Variants in USP24 observed in about 807,000 individuals in gnomAD.
USP24 encodes ubiquitin specific peptidase 24.
Under a neutral mutation model 361.6 loss-of-function variants are expected in USP24, and 97 were observed. The observed-to-expected ratio is 0.27, with a 90% CI of 0.23 to 0.32. The LOEUF (loss-of-function observed/expected upper bound fraction) is 0.32. Among genes scored for constraint, USP24 ranks in the 10% least tolerant of loss-of-function variants. USP24 has a pLI of 1.00. For missense variants in USP24, 2,353 were observed against 3,165.6 expected (o/e 0.74, Z 6.16); for synonymous variants, 1,098 against 1,124.6 (o/e 0.98, Z 0.47).
rs536594489 is a variant in USP24, at chr1:55,098,937, TGA to T, written c.5371-381_5371-380del. 1.1e-4 allele frequency among the ~76,000 whole-genome samples: 17 copies of T among 152,320 alleles called. No homozygotes were observed. The East Asian group carries it at 2.9e-3, about 26-fold the overall frequency. ...AAAATGGAAGAATTGTGCCTACTGA[TGA>T]GAGGCCAATGCTGGCAGTGACAGCG... is the stretch of plus-strand genomic sequence containing the variant. On this transcript the variant is annotated intron_variant, in intron 45 of 67. Transcript: ENST00000294383.
intron 14 of USP24, 42 bp from the exon 15 acceptor site, chr1:55,154,322 T>C: frequency 1.9e-6 from 3 of 1,575,970 alleles, no homozygotes; most frequent in Non-Finnish European, 2.6e-6. Flanking sequence ...AATATGCAAA[T>C]AGCTGCTTTG....
chr1:55,200,779 C>T (rs1433605309), intron 1 of USP24, among the ~76,000 whole-genome samples: 2 of 152,198 alleles, frequency 1.3e-5, no homozygotes, highest in African/African-American at 2.4e-5. Flanking sequence ...TCCTTACTAA[C>T]GTAGAGCTCA....
At position 55,096,542 on chromosome 1, in the gene USP24, T is replaced by A; in HGVS notation, c.6017A>T (p.Tyr2006Phe). The change falls in exon 50 of 68, where the codon TAT becomes TTT. Residue 2006 changes from tyrosine to phenylalanine, a missense_variant. Tyr to Phe is a conservative substitution (Grantham distance 22, BLOSUM62 3). Coordinates refer to ENST00000294383, the MANE Select transcript of USP24 (RefSeq NM_015306.3). ...TCTATATTCTCCTCCAAAGCATTCA[T>A]ACTCCAGGGTCTCGTCATTTAGGTC... is the stretch of plus-strand genomic sequence containing the variant. ...EFDLNDETLE[Y>F]ECFGGEYRPK... 6.2e-7 allele frequency: 1 copy of A among 1,612,616 alleles called. No individual in the cohort carries two copies.
intron 1 of USP24, among the ~76,000 whole-genome samples, chr1:55,213,722 G>C (rs1011150313): frequency 6.6e-6 from 1 of 152,114 alleles, no homozygotes; most frequent in Admixed American, 6.5e-5. Context: ...TTATTCAAAA[G>C]CACTGCTGCT....
At chr1:55,094,504 A>G (rs1282362920) in intron 51 of USP24, among the ~76,000 whole-genome samples, 1 of 152,132 alleles carries the variant, frequency 6.6e-6, no homozygotes, top group Non-Finnish European at 1.5e-5. Flanking sequence ...AAAGTATTGA[A>G]CCAAGTTTTC....
chr1:55,202,802 C>T (rs571543590), intron 1 of USP24, among the ~76,000 whole-genome samples: 20 of 152,296 alleles, frequency 1.3e-4, no homozygotes, highest in East Asian at 5.8e-4. Context: ...GGATGCTAGT[C>T]GAGAGACCAC....
At chr1:55,181,460 A>G (rs181186848) in intron 1 of USP24, among the ~76,000 whole-genome samples, 35 of 152,318 alleles carry the variant, frequency 2.3e-4, no homozygotes, top group African/African-American at 7.0e-4. Context: ...AAGTAAGCCA[A>G]TTTCACTTAA....
chr1:55,090,202 A>AG (rs914917787), intron 54 of USP24, among the ~76,000 whole-genome samples: 11 of 152,208 alleles, frequency 7.2e-5, no homozygotes, highest in African/African-American at 2.4e-4. Flanking sequence ...ATATTCAGGC[A>AG]GAAAAAAGGT....
chr1:55,158,932 T>G lies in USP24; in HGVS notation c.1173A>C (p.Leu391=). ...AATGTGGTGATTTCAGCATGCGCAATAGAATATCTAGTCGAAGGTCATCCA... is the reference window on the plus strand; with the variant it reads ...AATGTGGTGATTTCAGCATGCGCAAGAGAATATCTAGTCGAAGGTCATCCA... ...TIVDDLRLDI[L]LRMLKSPHFS... Residue 391 remains leucine, a synonymous_variant, in exon 10 of 68, where the codon CTA becomes CTC. Coordinates refer to ENST00000294383, the MANE Select transcript of USP24 (RefSeq NM_015306.3). 1 of 1,593,568 alleles carries G rather than the reference T, an allele frequency of 6.3e-7. No homozygotes were observed. Among genetic ancestry groups the G allele is most frequent in the South Asian group, 1.1e-5 (1 of 87,458 alleles).
rs566076962 is a variant in USP24 at position 55,114,550 on chromosome 1, C to A, written c.4509-4304G>T. 3.3e-5 allele frequency among the ~76,000 whole-genome samples: 5 copies of A among 152,204 alleles called. No homozygotes were observed. The East Asian group carries it at 9.7e-4, about 29-fold the overall frequency. On this transcript the variant is annotated intron_variant, in intron 38 of 67. Coordinates refer to ENST00000294383, the MANE Select transcript of USP24 (RefSeq NM_015306.3). ...TACTGTACCAAAACAGATATACAGACCAATGGAACAGAACAGAAGCCTCAG... is the reference window on the plus strand; with the variant it reads ...TACTGTACCAAAACAGATATACAGAACAATGGAACAGAACAGAAGCCTCAG...
rs567476222 is a variant in USP24, at chr1:55,079,466, A to G, written c.7200+72T>C. 7.8e-6 allele frequency: 12 copies of G among 1,533,594 alleles called. No individual in the cohort carries two copies. The Admixed American group carries it at 1.4e-4, about 18-fold the overall frequency. 95.0% of individuals were successfully genotyped at this position (1,533,594 alleles called of 1,614,324 possible). ...CTTAACAATACTCTTCATGCCAAAC[A>G]TAACTCGTAACAAAAAGCAATTTTC... On this transcript the variant is annotated intron_variant, in intron 60 of 67. Transcript: ENST00000294383.
At chr1:55,070,342 A>G (rs1644896053) in intron 67 of USP24, among the ~76,000 whole-genome samples, 1 of 152,220 alleles carries the variant, frequency 6.6e-6, no homozygotes, top group Non-Finnish European at 1.5e-5. Flanking sequence ...GAGACTCCAC[A>G]AACCTTTACT....
At chr1:55,214,709 C>G in intron 1 of USP24, 81 bp downstream of exon 1, 1 of 1,091,134 alleles carries the variant, frequency 9.2e-7, no homozygotes, top group Non-Finnish European at 1.1e-6. Context: ...TCTCCCCACA[C>G]CAAGCCCAGC....
chr1:55,136,098 TA>T (rs1646727061), intron 28 of USP24, among the ~76,000 whole-genome samples: 1 of 151,178 alleles, frequency 6.6e-6, no homozygotes, highest in African/African-American at 2.4e-5. Flanking sequence ...AAAAATAAAG[TA>T]GGGAAGGGAA....
chr1:55,134,527 A>G, intron 28 of USP24, 114 bp from the exon 29 acceptor site: 1 of 889,908 alleles, frequency 1.1e-6, no homozygotes, highest in Admixed American at 2.2e-5. Flanking sequence ...GGTCACTGTA[A>G]AGCTTGAGGG....
chr1:55,178,971 T>C (rs1196380678), intron 1 of USP24, among the ~76,000 whole-genome samples: 2 of 152,186 alleles, frequency 1.3e-5, no homozygotes, highest in African/African-American at 4.8e-5. Flanking sequence ...TCACATTTCT[T>C]TTCTCACTGA....
Position 55,141,691 on chromosome 1 carries a change from G to C in USP24, c.2675C>G (p.Ala892Gly). ...AAGCATTTTTGTTGCTCTGGTCACA[G>C]CATGTGTTAGAGTGGGGCCACCAAG... The part of the protein sequence containing the change: ...SALGGPTLTH[A>G]VTRATKMLTA... The change falls in exon 24 of 68, where the codon GCT (alanine) becomes GGT (glycine). Residue 892 changes from alanine to glycine, a missense_variant. Ala to Gly is a moderately conservative substitution (Grantham distance 60, BLOSUM62 0). Transcript: ENST00000294383. 6.2e-7 allele frequency: 1 copy of C among 1,611,216 alleles called. No individual in the cohort carries two copies. Among genetic ancestry groups the C allele is most frequent in the Non-Finnish European group, 8.5e-7 (1 of 1,178,646 alleles).
At chr1:55,104,502 T>C (rs1230866328) in intron 41 of USP24, among the ~76,000 whole-genome samples, 1 of 152,202 alleles carries the variant, frequency 6.6e-6, no homozygotes, top group Non-Finnish European at 1.5e-5. Context: ...GTTTGTCAAA[T>C]CAATTCGTTT....
intron 38 of USP24, among the ~76,000 whole-genome samples, chr1:55,113,375 T>C (rs1176597859): frequency 1.3e-5 from 2 of 152,248 alleles, no homozygotes; most frequent in Non-Finnish European, 2.9e-5. Flanking sequence ...AGTTCTGAAA[T>C]GGAGGCAGTA....
Sources: gnomAD v4.1 joint callset for allele counts (sites outside exome capture counted in the v4.1 genomes callset) on GRCh38, gnomAD v4.1.1 for gene constraint, MANE v1.5 for transcripts, NCBI Gene and HGNC (gene_info 2026-07-23, HGNC 2026-07-21) for gene names.